The following JAKMIP1 variants were observed in gnomAD, a reference collection of about 807,000 sequenced individuals.
JAKMIP1 encodes the protein janus kinase and microtubule interacting protein 1, also known as janus kinase and microtubule-interacting protein 1.
A neutral mutation model predicts 113.0 loss-of-function variants in JAKMIP1; 33 were observed. The observed-to-expected ratio is 0.29, with a 90% confidence interval of 0.22 to 0.39. JAKMIP1 has a LOEUF of 0.39. JAKMIP1 is among the 10% of genes least tolerant of loss of function. The pLI is 1.00. For missense variants in JAKMIP1, 813 were observed against 1,080.5 expected, an observed-to-expected ratio of 0.75 and a Z score of 3.47; for synonymous variants, 480 against 459.9, an observed-to-expected ratio of 1.04 and a Z score of -0.56.
At chr4:6,068,388 G>A (rs746556958) in intron 8 of JAKMIP1, among the ~76,000 whole-genome samples, 7 of 152,060 alleles carry the variant, frequency 4.6e-5, no homozygotes, top group Non-Finnish European at 7.3e-5. Flanking sequence ...AGAGGAAGCA[G>A]CTCTTAGAGC....
chr4:6,045,048 G>C (rs747403632), intron 16 of JAKMIP1, among the ~76,000 whole-genome samples: 6 of 152,240 alleles, frequency 3.9e-5, no homozygotes, highest in Non-Finnish European at 5.9e-5. Context: ...CGCCTCCCAG[G>C]GCCCCTCAGG....
Position 6,094,905 on chromosome 4 carries a change from G to A in JAKMIP1, c.625-9276C>T, listed in dbSNP as rs1050327198. 6.6e-6 allele frequency among the ~76,000 whole-genome samples: 1 copy of A among 151,992 alleles called. No individual in the cohort carries two copies. Among genetic ancestry groups the A allele is most frequent in the African/African-American group, 2.4e-5 (1 of 41,374 alleles). ...AGGCTGAGGTGGGAGGATTGCTTGA[G>A]CCTGGAAGGTAGAGGCTGCAGTGAG... On this transcript the variant is annotated intron_variant, in intron 3 of 20. Transcript: ENST00000409021. The surrounding 1 kb of genome is among the most constrained non-coding windows in gnomAD (Gnocchi z 4.2).
chr4:6,081,799 G>T lies in JAKMIP1; in HGVS notation c.955-44C>A. ...ACAGAGGCTCAGACAACTTGACGAC[G>T]GACGGCCGAGGTCACAGCACCGAGG... On this transcript the variant is annotated intron_variant, in intron 5 of 20. Coordinates refer to ENST00000409021, the MANE Select transcript of JAKMIP1 (RefSeq NM_001099433.2). The surrounding 1 kb of genome is among the most constrained non-coding windows in gnomAD (Gnocchi z 4.6). 1.2e-6 allele frequency: 2 copies of T among 1,611,494 alleles called. No homozygotes were observed. The highest frequency in any genetic ancestry group is 1.7e-6 in the Non-Finnish European group (2 of 1,178,610).
At position 6,056,642 on chromosome 4, in the gene JAKMIP1, C is replaced by T. The variant is rs562595253; in HGVS notation, c.1707+55G>A. 207 of 1,404,684 alleles carry T rather than the reference C, an allele frequency of 1.5e-4. 2 individuals are homozygous for T. Among genetic ancestry groups the T allele is most frequent in the Non-Finnish European group, 1.5e-4 (148 of 991,472 alleles). 87.0% of individuals were successfully genotyped at this position (1,404,684 alleles called of 1,614,324 possible). ...ACGACCCGTGTAGTCTGAGCAGGCC[C>T]GCGGGGTCCCAACTGCCCTGCGGCT... On this transcript the variant is annotated intron_variant, in intron 12 of 20. Transcript: ENST00000409021.
chr4:6,107,792 T>C (rs1274113918), intron 2 of JAKMIP1, among the ~76,000 whole-genome samples: 2 of 152,098 alleles, frequency 1.3e-5, no homozygotes, highest in Non-Finnish European at 2.9e-5. Context: ...TTGGTTCTGT[T>C]TCTTTGAAGA....
At position 6,179,755 on chromosome 4, in the gene JAKMIP1, C is replaced by T. The variant is rs899521586; in HGVS notation, c.-148+20498G>A. On this transcript the variant is annotated intron_variant, in intron 1 of 20. Transcript: ENST00000409021. This position sits in a 1 kb window ranked among gnomAD's most constrained non-coding sequence, Gnocchi z 4.5. ...AGACTATTCTATGCCAGGTAGTATG[C>T]TGGGTACACCTCATCTCAATCCATC... Among the ~76,000 whole-genome samples, 2 of 152,230 alleles carry T rather than the reference C, an allele frequency of 1.3e-5. No individual in the cohort carries two copies. The highest frequency in any genetic ancestry group is 4.8e-5 in the African/African-American group (2 of 41,464).
chr4:6,043,972 G>A lies in JAKMIP1; in HGVS notation c.2029-1745C>T, dbSNP rs1157716293. On this transcript the variant is annotated intron_variant, in intron 16 of 20. Coordinates refer to ENST00000409021, the MANE Select transcript of JAKMIP1 (RefSeq NM_001099433.2). ...TCATCCTAACTACACAGAGCTCCTC[G>A]AACATGCCCAGCCTTTCCATGTGCT... 3.9e-5 allele frequency among the ~76,000 whole-genome samples: 6 copies of A among 151,948 alleles called. No homozygotes were observed. In the East Asian group the frequency reaches 7.8e-4, roughly 20 times the overall value.
Position 6,031,074 on chromosome 4 carries a change from C to A in JAKMIP1, c.2380-1293G>T, listed in dbSNP as rs6813726. Among the ~76,000 whole-genome samples the A allele has an allele frequency of 0.15, 22,496 of 152,178 alleles. 2,121 individuals are homozygous for A. The highest frequency in any genetic ancestry group is 0.27 in the African/African-American group (11,041 of 41,488). ...GTCCCTCCCCTTATAGTTCAATTAC[C>A]GTTCAGACAATAGCAGCATACACAT... On this transcript the variant is annotated intron_variant, in intron 19 of 20. Transcript: ENST00000409021. This position sits in a 1 kb window ranked among gnomAD's most constrained non-coding sequence, Gnocchi z 4.4.
At chr4:6,172,932 A>G (rs962549813) in intron 1 of JAKMIP1, among the ~76,000 whole-genome samples, 1 of 152,210 alleles carries the variant, frequency 6.6e-6, no homozygotes, top group African/African-American at 2.4e-5. Context: ...GAATCTCGTA[A>G]TCAGATGATT....
intron 1 of JAKMIP1, among the ~76,000 whole-genome samples, chr4:6,170,451 C>CCAT (rs1724375201): frequency 1.3e-5 from 2 of 148,502 alleles, no homozygotes; most frequent in African/African-American, 2.5e-5. Context: ...ACCTCCATCA[C>CCAT]CATCACCACC....
intron 1 of JAKMIP1, among the ~76,000 whole-genome samples, chr4:6,134,364 T>A (rs1286402114): frequency 2.0e-5 from 3 of 152,178 alleles, no homozygotes; most frequent in Non-Finnish European, 4.4e-5. Flanking sequence ...CAGACTAATA[T>A]ACAGACCTTT....
At position 6,180,031 on chromosome 4, in the gene JAKMIP1, G is replaced by T. The variant is rs114748288; in HGVS notation, c.-148+20222C>A. Among the ~76,000 whole-genome samples, 3,811 of 152,246 alleles carry T rather than the reference G, an allele frequency of 0.025. 51 individuals are homozygous for T. The highest frequency in any genetic ancestry group is 0.048 in the Middle Eastern group (14 of 294). ...TCTTAGAAGCCATGCAAGAACATTT[G>T]CAGGGATAAACAGCAGGCTCCTTCC... On this transcript the variant is annotated intron_variant, in intron 1 of 20. Coordinates refer to ENST00000409021, the MANE Select transcript of JAKMIP1 (RefSeq NM_001099433.2). The surrounding 1 kb of genome is among the most constrained non-coding windows in gnomAD (Gnocchi z 4.5).
chr4:6,086,758 T>C lies in JAKMIP1; in HGVS notation c.625-1129A>G, dbSNP rs542138161. Among the ~76,000 whole-genome samples, 1 of 152,136 alleles carries C rather than the reference T, an allele frequency of 6.6e-6. No homozygotes were observed. Among genetic ancestry groups the C allele is most frequent in the Non-Finnish European group, 1.5e-5 (1 of 67,988 alleles). On this transcript the variant is annotated intron_variant, in intron 3 of 20. Coordinates refer to ENST00000409021, the MANE Select transcript of JAKMIP1 (RefSeq NM_001099433.2). This position sits in a 1 kb window ranked among gnomAD's most constrained non-coding sequence, Gnocchi z 4.1. Reference sequence around the variant, plus strand: ...TAACTGCAGGTGCAATTAGTTAAGATGAGGTCATCCTGGAGCAGGGTGGGC... The same window carrying C: ...TAACTGCAGGTGCAATTAGTTAAGACGAGGTCATCCTGGAGCAGGGTGGGC...
At chr4:6,127,683 C>G (rs1717897401) in intron 1 of JAKMIP1, among the ~76,000 whole-genome samples, 1 of 152,176 alleles carries the variant, frequency 6.6e-6, no homozygotes, top group African/African-American at 2.4e-5. Flanking sequence ...CCACATCCCC[C>G]CTTCACTCCT....
Position 6,137,381 on chromosome 4 carries a change from G to A in JAKMIP1, c.-147-24384C>T, listed in dbSNP as rs145888023. Among the ~76,000 whole-genome samples the A allele has an allele frequency of 4.9e-4, 74 of 152,312 alleles. 1 individual carries two copies. Among genetic ancestry groups the A allele is most frequent in the African/African-American group, 1.7e-3 (71 of 41,578 alleles). On this transcript the variant is annotated intron_variant, in intron 1 of 20. Coordinates refer to ENST00000409021, the MANE Select transcript of JAKMIP1 (RefSeq NM_001099433.2). This position sits in a 1 kb window ranked among gnomAD's most constrained non-coding sequence, Gnocchi z 4.5. Reference sequence around the variant, plus strand: ...TAGACGGCACTGTTCCCGTACCTTCGCTGGGAGTCAGGAAATTCACGGCTC... The same window carrying A: ...TAGACGGCACTGTTCCCGTACCTTCACTGGGAGTCAGGAAATTCACGGCTC...
intron 1 of JAKMIP1, among the ~76,000 whole-genome samples, chr4:6,151,388 C>A (rs1341679086): frequency 2.0e-5 from 3 of 152,194 alleles, no homozygotes; most frequent in Non-Finnish European, 1.5e-5. Context: ...TTCCTCACTG[C>A]ACCACAAAAT....
rs190965612 is a variant in JAKMIP1, at chr4:6,031,351, A to T, written c.2380-1570T>A. 8.9e-4 allele frequency among the ~76,000 whole-genome samples: 136 copies of T among 152,162 alleles called. 1 individual carries two copies. Among genetic ancestry groups the T allele is most frequent in the Admixed American group, 7.1e-3 (109 of 15,292 alleles). Reference sequence around the variant, plus strand: ...AGAATTGCTTGAACCTGGGAGGTGGAGGTTGCGGTGAGCTGAGATCGCGCC... The same window carrying T: ...AGAATTGCTTGAACCTGGGAGGTGGTGGTTGCGGTGAGCTGAGATCGCGCC... On this transcript the variant is annotated intron_variant, in intron 19 of 20. Coordinates refer to ENST00000409021, the MANE Select transcript of JAKMIP1 (RefSeq NM_001099433.2). The surrounding 1 kb of genome is among the most constrained non-coding windows in gnomAD (Gnocchi z 4.4).
rs73198087 is a variant in JAKMIP1 at position 6,150,085 on chromosome 4, G to A, written c.-147-37088C>T. 0.01 allele frequency among the ~76,000 whole-genome samples: 1,529 copies of A among 152,206 alleles called. 22 individuals are homozygous for A. The highest frequency in any genetic ancestry group is 0.031 in the African/African-American group (1,289 of 41,512). On this transcript the variant is annotated intron_variant, in intron 1 of 20. Coordinates refer to ENST00000409021, the MANE Select transcript of JAKMIP1 (RefSeq NM_001099433.2). This position sits in a 1 kb window ranked among gnomAD's most constrained non-coding sequence, Gnocchi z 4.8. ...AAACACGCCTACAAGTTTGTGGAGC[G>A]CCTGCCATATGCCAAGCTCTGGGGA...
At chr4:6,132,606 C>CA (rs1183929538) in intron 1 of JAKMIP1, among the ~76,000 whole-genome samples, 1 of 148,206 alleles carries the variant, frequency 6.7e-6, no homozygotes, top group Non-Finnish European at 1.5e-5. Context: ...CTCACCACTG[C>CA]ACTCCAGCCT....
Sources: allele counts gnomAD v4.1 joint callset (sites outside exome capture counted in the v4.1 genomes callset), GRCh38; gene constraint gnomAD v4.1.1; non-coding constraint Gnocchi (gnomAD v3.1); transcripts MANE v1.5; gene names NCBI Gene and HGNC (gene_info 2026-07-23, HGNC 2026-07-21).